Variants in ANKRD44 observed in about 807,000 individuals in gnomAD.
ANKRD44 encodes the protein ankyrin repeat domain 44, also known as serine/threonine-protein phosphatase 6 regulatory ankyrin repeat subunit B.
In ANKRD44, 35 loss-of-function variants were observed where a neutral mutation model predicts 116.0. That is an observed-to-expected ratio of 0.30 (90% CI 0.23 to 0.40). ANKRD44 has a LOEUF of 0.40. ANKRD44 is among the 10% of genes least tolerant of loss of function. The pLI, the probability that ANKRD44 is intolerant of heterozygous loss-of-function variation, is 1.00. For missense variants in ANKRD44, 1,014 were observed against 1,242.6 expected (o/e 0.82, Z 2.77); for synonymous variants, 435 against 461.8 (o/e 0.94, Z 0.74).
At position 197,121,932 on chromosome 2, in the gene ANKRD44, G is replaced by T. The variant is rs558706026; in HGVS notation, c.694-388C>A. Among the ~76,000 whole-genome samples, 6 of 152,296 alleles carry T rather than the reference G, an allele frequency of 3.9e-5. No individual in the cohort carries two copies. In the South Asian group the frequency reaches 1.2e-3, roughly 32 times the overall value. On this transcript the variant is annotated intron_variant, in intron 7 of 27. Transcript: ENST00000282272. Reference sequence around the variant, plus strand: ...AAAACCTCAAGAAATGGTGGGGGATGGCAGAGGAAGTGGCTGCGGAGATGG... The same window carrying T: ...AAAACCTCAAGAAATGGTGGGGGATTGCAGAGGAAGTGGCTGCGGAGATGG...
At chr2:197,118,932 A>G (rs751634108) in intron 8 of ANKRD44, among the ~76,000 whole-genome samples, 8 of 152,142 alleles carry the variant, frequency 5.3e-5, no homozygotes, top group Non-Finnish European at 1.0e-4. Flanking sequence ...TTTTCTAATT[A>G]CCAGTAATAC....
chr2:197,307,811 T>A (rs1160542009), intron 1 of ANKRD44, among the ~76,000 whole-genome samples: 1 of 152,092 alleles, frequency 6.6e-6, no homozygotes, highest in African/African-American at 2.4e-5. Context: ...GTGTTTCAGG[T>A]TATCAACAGT....
At chr2:197,193,651 G>A (rs1203078686) in intron 1 of ANKRD44, among the ~76,000 whole-genome samples, 1 of 152,116 alleles carries the variant, frequency 6.6e-6, no homozygotes, top group Admixed American at 6.5e-5. Context: ...AGGCCGAGGA[G>A]GGTGGATCAC....
chr2:197,282,835 G>C (rs1401854013), intron 1 of ANKRD44, among the ~76,000 whole-genome samples: 3 of 152,262 alleles, frequency 2.0e-5, no homozygotes, highest in Admixed American at 1.3e-4. Context: ...ACATGTGCCT[G>C]TAATCCCGGG....
intron 1 of ANKRD44, among the ~76,000 whole-genome samples, chr2:197,196,922 CAT>C (rs1029177861): frequency 2.0e-4 from 31 of 152,142 alleles, no homozygotes; most frequent in African/African-American, 7.2e-4. Context: ...GGACTAGGGA[CAT>C]GTGTAAAACG....
Position 197,001,771 on chromosome 2 carries a change from G to A in ANKRD44, c.2417C>T (p.Thr806Ile). The A allele has an allele frequency of 6.2e-7, 1 of 1,612,900 alleles. No individual in the cohort carries two copies. The highest frequency in any genetic ancestry group is 8.5e-7 in the Non-Finnish European group (1 of 1,178,968). Residue 806 changes from threonine to isoleucine, a missense_variant, in exon 22 of 28, where the codon ACT (threonine) becomes ATT (isoleucine). Physicochemically the swap from Thr to Ile is moderately conservative, Grantham distance 89. Coordinates refer to ENST00000282272, the MANE Select transcript of ANKRD44 (RefSeq NM_001195144.2). ...CFRKFIGNPF[T>I]PLHCAIINDH... ...TACTTACATTGCACAGTGCAGTGGA[G>A]TAAAGGGATTACCGATAAATTTGCG...
At chr2:197,114,800 A>C (rs940607870) in intron 8 of ANKRD44, among the ~76,000 whole-genome samples, 3 of 152,214 alleles carry the variant, frequency 2.0e-5, no homozygotes, top group Non-Finnish European at 4.4e-5. Flanking sequence ...TGAGAAACCC[A>C]ATAAGTCTTC....
intron 21 of ANKRD44, among the ~76,000 whole-genome samples, chr2:196,981,502 G>T (rs573381015): frequency 6.6e-6 from 1 of 152,160 alleles, no homozygotes; most frequent in Non-Finnish European, 1.5e-5. Context: ...CAGGCTGGGC[G>T]TGGTGGCCCA....
At chr2:197,168,381 G>A (rs1301927580) in intron 2 of ANKRD44, among the ~76,000 whole-genome samples, 2 of 152,152 alleles carry the variant, frequency 1.3e-5, no homozygotes, top group African/African-American at 4.8e-5. Context: ...ACAACATTAT[G>A]TTTAGTGTTA....
At chr2:197,217,858 A>T (rs760367260) in intron 1 of ANKRD44, among the ~76,000 whole-genome samples, 21 of 152,328 alleles carry the variant, frequency 1.4e-4, no homozygotes, top group Non-Finnish European at 2.9e-4. Context: ...AGCACAGAAT[A>T]CACAACTCTC....
In ANKRD44 at chr2:197,221,575, G is replaced by A. The variant is rs534852163; in HGVS notation, c.28-34469C>T. Among the ~76,000 whole-genome samples the A allele has an allele frequency of 3.9e-5, 6 of 152,210 alleles. No homozygotes were observed. The East Asian group carries it at 5.8e-4, about 15-fold the overall frequency. On this transcript the variant is annotated intron_variant, in intron 1 of 27. Transcript: ENST00000282272. Reference sequence around the variant, plus strand: ...ACTTCTGTCACAGCCTCTACAACACGGAATAAAGTCCTTCCTAAAGCATAA... The same window carrying A: ...ACTTCTGTCACAGCCTCTACAACACAGAATAAAGTCCTTCCTAAAGCATAA...
intron 10 of ANKRD44, among the ~76,000 whole-genome samples, chr2:197,095,840 T>G (rs1181438688): frequency 1.3e-5 from 2 of 152,210 alleles, no homozygotes; most frequent in Non-Finnish European, 2.9e-5. Context: ...CTCATAATGT[T>G]TGCTACTACT....
intron 16 of ANKRD44, among the ~76,000 whole-genome samples, chr2:197,067,053 C>A (rs964473746): frequency 1.3e-5 from 2 of 152,134 alleles, no homozygotes; most frequent in African/African-American, 4.8e-5. Flanking sequence ...GCTACAGTAA[C>A]CAAAACAGCA....
chr2:197,057,684 T>C (rs988892134), intron 16 of ANKRD44, among the ~76,000 whole-genome samples: 3 of 152,154 alleles, frequency 2.0e-5, no homozygotes, highest in Admixed American at 2.0e-4. Context: ...AGCAAGATCC[T>C]GTCACTACAC....
chr2:197,257,776 A>G (rs1473535387), intron 1 of ANKRD44, among the ~76,000 whole-genome samples: 1 of 152,212 alleles, frequency 6.6e-6, no homozygotes, highest in Non-Finnish European at 1.5e-5. Flanking sequence ...TTAAGTGTAC[A>G]GTTCACTGGG....
rs567857479 is a variant in ANKRD44 at position 197,230,680 on chromosome 2, G to A, written c.28-43574C>T. On this transcript the variant is annotated intron_variant, in intron 1 of 27. Transcript: ENST00000282272. The stretch of plus-strand genomic sequence containing the variant: ...TACACCAAATTTCCCCTTCATCTCC[G>A]TAGTATCCCACAGTAACAGTTTCTT... 3.3e-3 allele frequency among the ~76,000 whole-genome samples: 505 copies of A among 152,244 alleles called. 1 individual carries two copies. The highest frequency in any genetic ancestry group is 0.011 in the African/African-American group (470 of 41,536).
intron 1 of ANKRD44, among the ~76,000 whole-genome samples, chr2:197,258,529 G>A (rs759555510): frequency 2.6e-5 from 4 of 151,986 alleles, no homozygotes; most frequent in African/African-American, 4.8e-5. Context: ...TGGTTATTGT[G>A]GATAATGCTG....
At chr2:197,260,467 G>T (rs983252906) in intron 1 of ANKRD44, among the ~76,000 whole-genome samples, 37 of 152,184 alleles carry the variant, frequency 2.4e-4, no homozygotes, top group African/African-American at 4.8e-4. Flanking sequence ...CACATTTTCT[G>T]AATCCAGTCT....
intron 1 of ANKRD44, among the ~76,000 whole-genome samples, chr2:197,229,171 T>C (rs1322780937): frequency 6.6e-6 from 1 of 152,186 alleles, no homozygotes; most frequent in African/African-American, 2.4e-5. Flanking sequence ...AGTTAAGGCA[T>C]AAAACACTTG....
Sources: allele counts gnomAD v4.1 joint callset (sites outside exome capture counted in the v4.1 genomes callset), GRCh38; gene constraint gnomAD v4.1.1; transcripts MANE v1.5; gene names NCBI Gene and HGNC (gene_info 2026-07-23, HGNC 2026-07-21).